Variants in ABCG5 observed in about 807,000 individuals in gnomAD.
The protein encoded by ABCG5 is ATP-binding cassette sub-family G member 5.
Under a neutral mutation model 64.5 loss-of-function variants are expected in ABCG5, and 64 were observed. The observed-to-expected ratio is 0.99, with a 90% CI of 0.81 to 1.22. The LOEUF (loss-of-function observed/expected upper bound fraction) is 1.22, where lower values mean the gene tolerates loss of function less well. ABCG5 is among the 50% of genes most tolerant of loss of function. The pLI is 0.00. For synonymous variants in ABCG5, 385 were observed against 326.3 expected, an observed-to-expected ratio of 1.18 and a Z score of -1.94; for missense variants, 908 against 829.5, an observed-to-expected ratio of 1.09 and a Z score of -1.16.
In ABCG5 at chr2:43,822,791, C is replaced by T. The variant is rs543270543; in HGVS notation, c.1463+6G>A. On this transcript the variant is annotated splice_donor_region_variant and intron_variant, in intron 10 of 12. Coordinates refer to ENST00000405322, the MANE Select transcript of ABCG5 (RefSeq NM_022436.3). ...CCGGCCCTGGGTGAACTGAACAACC[C>T]CTCACCAGTAGCACACACTGCTGAA... 3 of 1,614,098 alleles carry T rather than the reference C, an allele frequency of 1.9e-6. No homozygotes were observed. In the South Asian group the frequency reaches 3.3e-5, roughly 18 times the overall value.
chr2:43,809,786 A>G (rs775767441), downstream of ABCG5: 22 of 1,592,468 alleles, frequency 1.4e-5, no homozygotes, highest in Admixed American at 7.1e-5. Flanking sequence ...CAATTATTGT[A>G]TATTTATTTC....
intron 6 of ABCG5, 60 bp downstream of exon 6, chr2:43,826,322 C>T (rs1312972590): frequency 6.2e-7 from 1 of 1,610,974 alleles, no homozygotes; most frequent in Non-Finnish European, 8.5e-7. Context: ...CTTGCCCCTG[C>T]CCCTGTGATT....
chr2:43,833,790 T>G (rs1334867903), intron 2 of ABCG5, among the ~76,000 whole-genome samples: 1 of 152,188 alleles, frequency 6.6e-6, no homozygotes, highest in South Asian at 2.1e-4. Flanking sequence ...GTTCAAACAA[T>G]TATCTTGCCT....
intron 10 of ABCG5, among the ~76,000 whole-genome samples, chr2:43,820,735 C>T (rs1270798172): frequency 1.3e-5 from 2 of 152,162 alleles, no homozygotes; most frequent in Non-Finnish European, 2.9e-5. Context: ...CTCATTGCAA[C>T]CTCTGCTTCC....
Position 43,838,800 on chromosome 2 carries a change from G to A in ABCG5, c.-121C>T. 6.5e-7 allele frequency: 1 copy of A among 1,534,472 alleles called. No homozygotes were observed. On this transcript the variant is annotated 5_prime_UTR_variant, in exon 1 of 13. Transcript: ENST00000405322. This position sits in a 1 kb window ranked among gnomAD's most constrained non-coding sequence, Gnocchi z 4.2. ...CTCCACCTGACCCCGGAGTCCCTTG[G>A]GACAGCAGGACTGGGACTTGGCCAC...
intron 9 of ABCG5, among the ~76,000 whole-genome samples, 172 bp downstream of exon 9, chr2:43,823,741 A>T (rs1462392131): frequency 7.9e-5 from 12 of 152,202 alleles, no homozygotes; most frequent in Admixed American, 7.9e-4. Context: ...GAGCTCATTC[A>T]TATTAACGTG....
chr2:43,820,202 G>A, intron 10 of ABCG5, 102 bp from the exon 11 acceptor site: 2 of 1,419,628 alleles, frequency 1.4e-6, no homozygotes, highest in Non-Finnish European at 1.9e-6. Context: ...GAGTGGGTGG[G>A]AGAAGTTTGC....
intron 4 of ABCG5, 155 bp from the exon 5 acceptor site, chr2:43,828,270 A>G (rs969281665): frequency 5.7e-5 from 56 of 978,224 alleles, no homozygotes; most frequent in South Asian, 3.9e-4. Context: ...TGTCTTTGAT[A>G]ATAATATGAT....
In ABCG5 at chr2:43,824,445, C is replaced by T. The variant is rs765796752; in HGVS notation, c.905-13G>A. 2 of 1,613,060 alleles carry T rather than the reference C, an allele frequency of 1.2e-6. No individual in the cohort carries two copies. The highest frequency in any genetic ancestry group is 1.7e-6 in the Non-Finnish European group (2 of 1,179,964). On this transcript the variant is annotated splice_polypyrimidine_tract_variant and intron_variant, in intron 7 of 12. Transcript: ENST00000405322. ...GACGTCAGGTCCACTAAAAGTTTTT[C>T]CCAAAAGATGTCACCCATGTGTTTT...
intron 4 of ABCG5, among the ~76,000 whole-genome samples, chr2:43,831,282 C>A (rs1161475169): frequency 6.6e-6 from 1 of 152,148 alleles, no homozygotes; most frequent in Non-Finnish European, 1.5e-5. Flanking sequence ...AAGAGATCCT[C>A]CTGCCTCAGC....
chr2:43,822,533 C>T (rs1486516202), intron 10 of ABCG5: 2 of 984,314 alleles, frequency 2.0e-6, no homozygotes, highest in African/African-American at 3.5e-5. Context: ...TTCTCTGGCC[C>T]AGGCCCTGCC....
At chr2:43,821,055 A>C (rs1003179767) in intron 10 of ABCG5, among the ~76,000 whole-genome samples, 2 of 152,190 alleles carry the variant, frequency 1.3e-5, no homozygotes, top group African/African-American at 2.4e-5. Flanking sequence ...CGTATCTTCA[A>C]TGACCATTAG....
rs370727167 is a variant in ABCG5, at chr2:43,832,120, T to A, written c.266-37A>T. The A allele has an allele frequency of 5.4e-5, 85 of 1,560,490 alleles. 1 individual carries two copies. In the African/African-American group the frequency reaches 1.0e-3, roughly 19 times the overall value. On this transcript the variant is annotated intron_variant, in intron 2 of 12. Coordinates refer to ENST00000405322, the MANE Select transcript of ABCG5 (RefSeq NM_022436.3). ...CAACAGAAGGCCCTAGAGGAACCAC[T>A]CTGTGCCGGCCTTGGAGGAGCTTCC...
chr2:43,825,346 A>G (rs1464503307), intron 6 of ABCG5, among the ~76,000 whole-genome samples: 2 of 152,140 alleles, frequency 1.3e-5, no homozygotes, highest in African/African-American at 2.4e-5. Context: ...AAGCCAAGTG[A>G]GTGACCTCGG....
At chr2:43,810,603 C>T, downstream of ABCG5, 1 of 833,654 alleles carries the variant, frequency 1.2e-6, no homozygotes, top group African/African-American at 1.8e-5. Context: ...TGACTCCCAG[C>T]TTCAGATAAG....
At position 43,831,796 on chromosome 2, in the gene ABCG5, G is replaced by A. The variant is rs755803785; in HGVS notation, c.474C>T (p.Arg158=). The change falls in exon 4 of 13, where the codon CGC becomes CGT. Residue 158 remains arginine (R), a synonymous_variant. Coordinates refer to ENST00000405322, the MANE Select transcript of ABCG5 (RefSeq NM_022436.3). ...TCTTCTGGAAGGAGCCGGGATTGCC[G>A]CGGCGGATGGCCAGCAGCGCGGTGT... is the stretch of plus-strand genomic sequence containing the variant. ...LHYTALLAIR[R]GNPGSFQKKV... 1.3e-6 allele frequency: 2 copies of A among 1,588,134 alleles called. No individual in the cohort carries two copies. Among genetic ancestry groups the A allele is most frequent in the East Asian group, 2.3e-5 (1 of 44,030 alleles).
At chr2:43,832,155 C>T in intron 2 of ABCG5, 72 bp from the exon 3 acceptor site, 9 of 1,549,022 alleles carry the variant, frequency 5.8e-6, no homozygotes, top group Non-Finnish European at 7.0e-6. Context: ...CCGAGACCCT[C>T]TGTGCAGGCA....
chr2:43,812,928 G>A lies in ABCG5; in HGVS notation c.*188C>T. On this transcript the variant is annotated 3_prime_UTR_variant, in exon 13 of 13. Coordinates refer to ENST00000405322, the MANE Select transcript of ABCG5 (RefSeq NM_022436.3). ...ATGTCCCTGCAAGTTGTAAGAGCAA[G>A]GGACTATAAACCACTTCCATTGCAT... is the stretch of plus-strand genomic sequence containing the variant. 1 of 600,176 alleles carries A rather than the reference G, an allele frequency of 1.7e-6. No individual in the cohort carries two copies. Among genetic ancestry groups the A allele is most frequent in the Non-Finnish European group, 3.0e-6 (1 of 335,992 alleles). 37.2% of individuals were successfully genotyped at this position (600,176 alleles called of 1,614,324 possible). A position where few individuals can be genotyped will look rare whatever the true frequency, so the allele number is the denominator to read the frequency against.
chr2:43,839,181 T>A, upstream of ABCG5: 1 of 1,513,530 alleles, frequency 6.6e-7, no homozygotes, highest in Non-Finnish European at 9.0e-7. Flanking sequence ...AACCTTTCTC[T>A]CTTCCCTCAG....
Sources: allele counts gnomAD v4.1 joint callset (sites outside exome capture counted in the v4.1 genomes callset), GRCh38; gene constraint gnomAD v4.1.1; non-coding constraint Gnocchi (gnomAD v3.1); transcripts MANE v1.5; gene names NCBI Gene and HGNC (gene_info 2026-07-23, HGNC 2026-07-21).